The following PIGS variants were observed in gnomAD, a reference collection of about 807,000 sequenced individuals.
PIGS encodes the protein GPI-anchor transamidase component PIGS.
PIGS carries 37 observed loss-of-function variants against 58.2 expected under a neutral mutation model. That is an observed-to-expected ratio of 0.64 (90% CI 0.49 to 0.84). PIGS has a LOEUF of 0.84. Ranked by LOEUF, PIGS falls within the 40% of genes least tolerant of loss-of-function variation. The pLI, the probability that PIGS is intolerant of heterozygous loss-of-function variation, is 0.00. For synonymous variants in PIGS, 269 were observed against 289.2 expected (o/e 0.93, Z 0.71); for missense variants, 629 against 710.8 (o/e 0.88, Z 1.31).
rs772310744 is a variant in PIGS at position 28,571,121 on chromosome 17, G to C, written c.102C>G (p.Leu34=). The part of the protein sequence containing the change: ...AAVAIVLGLP[L]WWKTTETYRA... ...GGTAGGTCTCCGTGGTCTTCCACCA[G>C]AGCGGTAGCCCCAGCACGATGGCCA... Residue 34 remains leucine (L), a synonymous_variant, in exon 2 of 12, where the codon CTC becomes CTG. Transcript: ENST00000308360. The C allele has an allele frequency of 2.5e-6, 4 of 1,613,866 alleles. No individual in the cohort carries two copies. The South Asian group carries it at 3.3e-5, about 13-fold the overall frequency.
chr17:28,566,855 A>C (rs2151514275), intron 3 of PIGS, among the ~76,000 whole-genome samples: 1 of 152,176 alleles, frequency 6.6e-6, no homozygotes, highest in South Asian at 2.1e-4. Context: ...GGCCTCCCAA[A>C]GTTCTGGGAT....
intron 5 of PIGS, 109 bp from the exon 6 acceptor site, chr17:28,561,738 T>A: frequency 9.4e-7 from 1 of 1,067,228 alleles, no homozygotes; most frequent in Non-Finnish European, 1.3e-6. Flanking sequence ...ACCAACAGGT[T>A]TGCACCTCTC....
rs781452594 is a variant in PIGS at position 28,563,436 on chromosome 17, G to A, written c.463C>T (p.Pro155Ser). Residue 155 changes from proline (P) to serine (S), a missense_variant, in exon 5 of 12, where the codon CCC becomes TCC. Transcript: ENST00000308360. ...YVISEHSSLL[P>S]QDMMSYIGPK... The stretch of plus-strand genomic sequence containing the variant: ...CAGCCTCTCTGTTACCTTACCTGGG[G>A]AAGAAGTGAGGAGTGTTCAGATATC... The A allele has an allele frequency of 4.3e-6, 7 of 1,613,922 alleles. No individual in the cohort carries two copies. In the South Asian group the frequency reaches 7.7e-5, roughly 18 times the overall value.
intron 3 of PIGS, among the ~76,000 whole-genome samples, chr17:28,567,640 G>A (rs1414650789): frequency 6.6e-6 from 1 of 152,092 alleles, no homozygotes; most frequent in Admixed American, 6.5e-5. Flanking sequence ...GTGTGACAAT[G>A]GTAGTCATGT....
At chr17:28,559,699 C>CAAAA (rs761803589) in intron 7 of PIGS, among the ~76,000 whole-genome samples, 11 of 45,680 alleles carry the variant, frequency 2.4e-4, no homozygotes, top group East Asian at 6.3e-4. Context: ...GACTCTGTCT[C>CAAAA]AAAAAAAAAA....
At chr17:28,571,015 G>A (rs773589239) in intron 2 of PIGS, 34 bp downstream of exon 2, 3 of 1,614,044 alleles carry the variant, frequency 1.9e-6, no homozygotes, top group East Asian at 2.2e-5. Context: ...TGCCGGGGGG[G>A]CTGTCCCCCG....
intron 5 of PIGS, among the ~76,000 whole-genome samples, chr17:28,562,737 T>G (rs1050581731): frequency 8.0e-5 from 12 of 150,792 alleles, no homozygotes; most frequent in Non-Finnish European, 1.8e-4. Flanking sequence ...CCCGGCCGAT[T>G]CTTGTATTGT....
At chr17:28,559,465 T>C (rs910829511) in intron 7 of PIGS, among the ~76,000 whole-genome samples, 1 of 150,670 alleles carries the variant, frequency 6.6e-6, no homozygotes, top group African/African-American at 2.4e-5. Flanking sequence ...AAACCCCATC[T>C]CTACTAAAAT....
chr17:28,556,892 G>C lies in PIGS; in HGVS notation c.1015C>G (p.Gln339Glu). ...PELAHSPLYI[Q>E]DKDGAPVATN... is the part of the protein sequence containing the mutation. ...GCCACTGGAGCGCCATCCTTGTCCT[G>C]AATGTACAGCGGTGAGTGTGCAAGC... is the stretch of plus-strand genomic sequence containing the variant. The change falls in exon 9 of 12, where the codon CAG becomes GAG. Residue 339 changes from glutamine to glutamate, a missense_variant. Physicochemically the swap from Gln to Glu is conservative, Grantham distance 29 (BLOSUM62 2). Transcript: ENST00000308360. The C allele has an allele frequency of 1.9e-6, 3 of 1,614,164 alleles. No individual in the cohort carries two copies. The highest frequency in any genetic ancestry group is 2.5e-6 in the Non-Finnish European group (3 of 1,180,022).
At chr17:28,561,793 A>C in intron 5 of PIGS, 164 bp from the exon 6 acceptor site, 2 of 650,376 alleles carry the variant, frequency 3.1e-6, no homozygotes, top group Non-Finnish European at 5.2e-6. Context: ...AGCTATGAGT[A>C]TATATTGAGT....
At chr17:28,567,887 GC>G (rs2070402861) in intron 3 of PIGS, among the ~76,000 whole-genome samples, 1 of 152,128 alleles carries the variant, frequency 6.6e-6, no homozygotes, top group Non-Finnish European at 1.5e-5. Flanking sequence ...CCTTAGACAT[GC>G]TTTTCCCTCT....
At chr17:28,557,190 C>T (rs188866205) in intron 8 of PIGS, 61 of 537,986 alleles carry the variant, frequency 1.1e-4, no homozygotes, top group African/African-American at 1.1e-3. Flanking sequence ...CTCCAAAACA[C>T]CCCCGAATTC....
intron 8 of PIGS, among the ~76,000 whole-genome samples, chr17:28,558,009 T>A (rs1597583791): frequency 6.6e-6 from 1 of 152,128 alleles, no homozygotes; most frequent in African/African-American, 2.4e-5. Context: ...CAGAGCATCA[T>A]GAAAAAGGAA....
chr17:28,563,856 T>C lies in PIGS; in HGVS notation c.338A>G (p.Asp113Gly), dbSNP rs755266138. The C allele has an allele frequency of 1.9e-6, 3 of 1,614,068 alleles. No homozygotes were observed. In the African/African-American group the frequency reaches 4.0e-5, roughly 22 times the overall value. The change falls in exon 4 of 12, where the codon GAC becomes GGC. Residue 113 changes from aspartate (D) to glycine (G), a missense_variant. Asp to Gly is a moderately conservative substitution (Grantham distance 94). Transcript: ENST00000308360. ...RFQKAYRRALDHEEEALSSGS... is the reference protein window; with the variant it reads ...RFQKAYRRALGHEEEALSSGS... ...CGATGACAGGGCCTCCTCCTCATGG[T>C]CCAAAGCCCTCCGATAGGCCTTCTG...
Position 28,554,259 on chromosome 17 carries a change from C to T in PIGS, c.1629G>A (p.Glu543=), listed in dbSNP as rs2151510994. ...ILLSLVKIFL[E]TRKSWRKPEK... is the part of the protein sequence containing the mutation. ...CAGGCTTTCTCCAGGACTTGCGGGT[C>T]TCCAGGAAGATCTTGACCAGGGACA... Residue 543 remains glutamate, a synonymous_variant, in exon 12 of 12, where the codon GAG becomes GAA. Transcript: ENST00000308360. The T allele has an allele frequency of 6.2e-7, 1 of 1,614,158 alleles. No individual in the cohort carries two copies. The highest frequency in any genetic ancestry group is 8.5e-7 in the Non-Finnish European group (1 of 1,180,018).
intron 8 of PIGS, among the ~76,000 whole-genome samples, chr17:28,558,140 A>G (rs1291172867): frequency 1.3e-5 from 2 of 152,004 alleles, no homozygotes; most frequent in Non-Finnish European, 2.9e-5. Context: ...TCCTGTCTCT[A>G]AAAAAAATTT....
At position 28,564,715 on chromosome 17, in the gene PIGS, C is replaced by CA. The variant is rs1185487806; in HGVS notation, c.287-809dup. Among the ~76,000 whole-genome samples, 969 of 97,924 alleles carry CA rather than the reference C, an allele frequency of 9.9e-3. 9 individuals carry two copies. The highest frequency in any genetic ancestry group is 0.026 in the African/African-American group (698 of 26,720). 64.2% of individuals were successfully genotyped at this position (97,924 alleles called of 152,430 possible). A position where few individuals can be genotyped will look rare whatever the true frequency, so the allele number is the denominator to read the frequency against. On this transcript the variant is annotated intron_variant, in intron 3 of 11. Transcript: ENST00000308360. The stretch of plus-strand genomic sequence containing the variant: ...GGGCAACAAGAGCGAAACTCCATCT[C>CA]AAAAAAAAAAAAAAAAAGGCAGTTA...
intron 7 of PIGS, among the ~76,000 whole-genome samples, chr17:28,558,929 C>A (rs1052402397): frequency 1.3e-5 from 2 of 152,202 alleles, no homozygotes; most frequent in Non-Finnish European, 1.5e-5. Flanking sequence ...ATAAAAATTT[C>A]TCCCACGTGT....
At chr17:28,563,355 G>C in intron 5 of PIGS, 76 bp downstream of exon 5, 1 of 1,230,358 alleles carries the variant, frequency 8.1e-7, no homozygotes, top group Non-Finnish European at 1.2e-6. Context: ...GGGTAGCAAT[G>C]ATGCAAGAAG....
Sources: gnomAD v4.1 joint callset for allele counts (sites outside exome capture counted in the v4.1 genomes callset) on GRCh38, gnomAD v4.1.1 for gene constraint, MANE v1.5 for transcripts, NCBI Gene and HGNC (gene_info 2026-07-23, HGNC 2026-07-21) for gene names.